TMEM108: variants seen among roughly 807,000 people sequenced by gnomAD.
The protein encoded by TMEM108 is cancer/testis antigen 124.
Under a neutral mutation model 35.1 loss-of-function variants are expected in TMEM108, and 12 were observed. The observed-to-expected ratio is 0.34, with a 90% CI of 0.22 to 0.55. The LOEUF is 0.55. Among genes scored for constraint, TMEM108 ranks in the 20% least tolerant of loss-of-function variants. The probability of loss-of-function intolerance (pLI) is 0.89; values close to 1 mark genes in which losing one functional copy is unlikely to be tolerated. For synonymous variants in TMEM108, 287 were observed against 308.6 expected (o/e 0.93, Z 0.73); for missense variants, 680 against 753.3 (o/e 0.90, Z 1.14).
At chr3:133,221,217 C>G (rs939583342) in intron 2 of TMEM108, among the ~76,000 whole-genome samples, 1 of 152,184 alleles carries the variant, frequency 6.6e-6, no homozygotes, top group East Asian at 1.9e-4. Flanking sequence ...GGGCTGAAAG[C>G]TGCAAGCTAT....
chr3:133,294,110 C>T (rs569098772), intron 3 of TMEM108, among the ~76,000 whole-genome samples: 51 of 152,290 alleles, frequency 3.3e-4, no homozygotes, highest in African/African-American at 1.2e-3. Context: ...ATTTAATTTA[C>T]TAGAAGTGCT....
chr3:133,049,002 G>A (rs1047817865), intron 2 of TMEM108, among the ~76,000 whole-genome samples: 6 of 152,158 alleles, frequency 3.9e-5, no homozygotes, highest in South Asian at 2.1e-4. Context: ...GGGAGTGGGC[G>A]TAATAATCTG....
chr3:133,044,840 C>G, intron 1 of TMEM108, among the ~76,000 whole-genome samples: 1 of 152,158 alleles, frequency 6.6e-6, no homozygotes, highest in Non-Finnish European at 1.5e-5. Context: ...TTCTGTAGCC[C>G]TAACTACCCA....
intron 3 of TMEM108, among the ~76,000 whole-genome samples, chr3:133,244,479 G>C (rs1289029527): frequency 6.6e-6 from 1 of 152,196 alleles, no homozygotes; most frequent in Non-Finnish European, 1.5e-5. Context: ...GTGAAGGGCT[G>C]ATTGTTAAAC....
intron 2 of TMEM108, among the ~76,000 whole-genome samples, chr3:133,145,840 G>T (rs539234116): frequency 6.6e-6 from 1 of 152,186 alleles, no homozygotes; most frequent in Non-Finnish European, 1.5e-5. Context: ...TGCTGAAGTT[G>T]CTTATCAGCT....
At chr3:133,189,326 G>C (rs1383670233) in intron 2 of TMEM108, among the ~76,000 whole-genome samples, 1 of 152,172 alleles carries the variant, frequency 6.6e-6, no homozygotes, top group Admixed American at 6.5e-5. Context: ...CTGCTATGAA[G>C]GGTAAACATG....
intron 4 of TMEM108, chr3:133,387,286 T>TCCAGTG: frequency 1.0e-6 from 1 of 985,472 alleles, no homozygotes; most frequent in Middle Eastern, 5.2e-4. Flanking sequence ...TAAGTGACTT[T>TCCAGTG]CCAGGTGGAA....
intron 3 of TMEM108, among the ~76,000 whole-genome samples, chr3:133,296,291 G>A (rs978078532): frequency 2.0e-5 from 3 of 152,132 alleles, no homozygotes; most frequent in South Asian, 2.1e-4. Flanking sequence ...TTTAAATCTC[G>A]GAGTATCTGC....
intron 2 of TMEM108, among the ~76,000 whole-genome samples, chr3:133,070,636 C>T (rs1448737225): frequency 6.6e-6 from 1 of 152,142 alleles, no homozygotes; most frequent in East Asian, 1.9e-4. Context: ...ACCAAGGACT[C>T]ATTCTTTGTA....
chr3:133,126,438 G>T (rs917181304), intron 2 of TMEM108, among the ~76,000 whole-genome samples: 1 of 151,132 alleles, frequency 6.6e-6, no homozygotes, highest in Non-Finnish European at 1.5e-5. Flanking sequence ...CTGCACTCCA[G>T]CCTGGGCAAC....
At chr3:133,371,613 CAAAAAAAAA>C (rs3054624) in intron 3 of TMEM108, among the ~76,000 whole-genome samples, 968 of 78,130 alleles carry the variant, frequency 0.012, 15 homozygotes, top group African/African-American at 0.052. Context: ...CACAAACCCA[CAAAAAAAAA>C]AAAAAAAAAA....
At chr3:133,080,511 A>C (rs1406419572) in intron 2 of TMEM108, among the ~76,000 whole-genome samples, 1 of 152,240 alleles carries the variant, frequency 6.6e-6, no homozygotes, top group African/African-American at 2.4e-5. Flanking sequence ...TCCTTCTTCA[A>C]GGCCCAACTC....
chr3:133,058,199 C>CA (rs1381271057), intron 2 of TMEM108, among the ~76,000 whole-genome samples: 1 of 152,140 alleles, frequency 6.6e-6, no homozygotes, highest in African/African-American at 2.4e-5. Context: ...ACTTGTGTAA[C>CA]ATCAGATATC....
chr3:133,135,427 A>T (rs1315642965), intron 2 of TMEM108, among the ~76,000 whole-genome samples: 3 of 152,212 alleles, frequency 2.0e-5, no homozygotes, highest in African/African-American at 7.2e-5. Context: ...ATGGAAGGCT[A>T]TGAGTATATT....
intron 2 of TMEM108, among the ~76,000 whole-genome samples, chr3:133,080,025 G>A (rs1336983408): frequency 2.0e-5 from 3 of 152,064 alleles, no homozygotes; most frequent in African/African-American, 7.2e-5. Context: ...ACAATTAGGG[G>A]GAATGGACTC....
chr3:133,038,825 T>A (rs1943238488), intron 1 of TMEM108, among the ~76,000 whole-genome samples: 1 of 152,048 alleles, frequency 6.6e-6, no homozygotes, highest in African/African-American at 2.4e-5. Context: ...ACCTGTCACA[T>A]GGGGAAACGA....
At chr3:133,173,800 CTGAGGTACCGGGT>C (rs1205228403) in intron 2 of TMEM108, among the ~76,000 whole-genome samples, 4 of 152,214 alleles carry the variant, frequency 2.6e-5, no homozygotes, top group African/African-American at 9.6e-5. Flanking sequence ...GCATATCCAA[CTGAGGTACCGGGT>C]TCATCTCACT....
intron 3 of TMEM108, among the ~76,000 whole-genome samples, chr3:133,354,755 C>T (rs2072110769): frequency 6.6e-6 from 1 of 151,990 alleles, no homozygotes; most frequent in Non-Finnish European, 1.5e-5. Context: ...GACTTTTTCA[C>T]TGGTAGCAGA....
intron 2 of TMEM108, among the ~76,000 whole-genome samples, chr3:133,131,907 T>C (rs946962914): frequency 1.3e-5 from 2 of 152,076 alleles, no homozygotes; most frequent in Non-Finnish European, 2.9e-5. Flanking sequence ...AGTGAGAATA[T>C]ATAGAAGATA....
Sources: allele counts gnomAD v4.1 joint callset (sites outside exome capture counted in the v4.1 genomes callset), GRCh38; gene constraint gnomAD v4.1.1; transcripts MANE v1.5; gene names NCBI Gene and HGNC (gene_info 2026-07-23, HGNC 2026-07-21).